The following DHRSX variants were observed in gnomAD, a reference collection of about 807,000 sequenced individuals.
DHRSX encodes dehydrogenase/reductase X-linked, also known as polyprenol dehydrogenase.
A neutral mutation model predicts 34.0 loss-of-function variants in DHRSX; 31 were observed. The ratio of observed to expected loss-of-function variants is 0.91; its 90% confidence interval spans 0.69 to 1.23. The LOEUF is 1.23. Ranked by LOEUF, DHRSX falls within the 50% of genes most tolerant of loss-of-function variation. The pLI, the probability that DHRSX is intolerant of heterozygous loss-of-function variation, is 0.00. For synonymous variants in DHRSX, 201 were observed against 183.8 expected, an observed-to-expected ratio of 1.09 and a Z score of -0.76; for missense variants, 414 against 428.1, an observed-to-expected ratio of 0.97 and a Z score of 0.29.
At chrX:2,439,819 A>T (rs1185773561) in intron 1 of DHRSX, among the ~76,000 whole-genome samples, 1 of 152,102 alleles carries the variant, frequency 6.6e-6, no homozygotes, top group Non-Finnish European at 1.5e-5. Flanking sequence ...AGAGCTCAGG[A>T]GGTAATATGA....
intron 1 of DHRSX, chrX:2,490,369 G>A (rs1366478305): frequency 6.2e-7 from 1 of 1,613,546 alleles, no homozygotes; most frequent in Admixed American, 1.7e-5. Context: ...TGCTGTCGTA[G>A]CCGTGGCCGG....
rs745465210 is a variant in DHRSX at position 2,377,742 on chromosome X, C to CT, written c.286+31002dup. On this transcript the variant is annotated intron_variant, in intron 3 of 6. Transcript: ENST00000334651. ...TCATAATTGCAGTGTGCACACAATA[C>CT]TTTTTTTTTTTTTTTGAGACAGAGT... Among the ~76,000 whole-genome samples the CT allele has an allele frequency of 5.0e-3, 724 of 144,624 alleles. 6 individuals are homozygous for CT. The highest frequency in any genetic ancestry group is 0.012 in the African/African-American group (458 of 39,724). 94.9% of individuals were successfully genotyped at this position (144,624 alleles called of 152,430 possible). A position where few individuals can be genotyped will look rare whatever the true frequency, so the allele number is the denominator to read the frequency against.
chrX:2,373,354 A>T (rs2043102407), intron 3 of DHRSX, among the ~76,000 whole-genome samples: 1 of 152,166 alleles, frequency 6.6e-6, no homozygotes, highest in African/African-American at 2.4e-5. Context: ...TTTTCAGAGG[A>T]GACCTTTCAA....
At chrX:2,294,878 G>T (rs2041914080) in intron 3 of DHRSX, among the ~76,000 whole-genome samples, 2 of 152,066 alleles carry the variant, frequency 1.3e-5, no homozygotes, top group Non-Finnish European at 2.9e-5. Flanking sequence ...AATGAAATGA[G>T]AGAAAGTGTG....
intron 3 of DHRSX, among the ~76,000 whole-genome samples, chrX:2,364,135 GGTTA>G (rs1253450562): frequency 9.2e-5 from 14 of 152,184 alleles, no homozygotes; most frequent in Non-Finnish European, 1.9e-4. Context: ...CTTAGGTCCA[GGTTA>G]CTGCCATTGA....
chrX:2,443,190 C>A (rs2044083981), intron 1 of DHRSX, among the ~76,000 whole-genome samples: 1 of 151,928 alleles, frequency 6.6e-6, no homozygotes, highest in Admixed American at 6.6e-5. Flanking sequence ...ACCACCATGT[C>A]CAGCTAATTT....
At chrX:2,257,432 C>T (rs2041294794) in intron 5 of DHRSX, among the ~76,000 whole-genome samples, 1 of 152,182 alleles carries the variant, frequency 6.6e-6, no homozygotes, top group Admixed American at 6.6e-5. Flanking sequence ...ACTGGGAATA[C>T]CTGGCTGTCC....
At chrX:2,449,306 G>A (rs1274585695) in intron 1 of DHRSX, among the ~76,000 whole-genome samples, 4 of 152,022 alleles carry the variant, frequency 2.6e-5, no homozygotes, top group South Asian at 2.1e-4. Flanking sequence ...TCGGAGGGCC[G>A]GGCCTGCTCA....
At chrX:2,306,131 G>T (rs1267995419) in intron 3 of DHRSX, among the ~76,000 whole-genome samples, 2 of 152,044 alleles carry the variant, frequency 1.3e-5, no homozygotes, top group African/African-American at 4.8e-5. Flanking sequence ...AAATTACCCA[G>T]TCTCAGGTAT....
At chrX:2,353,153 G>A (rs956127352) in intron 3 of DHRSX, among the ~76,000 whole-genome samples, 8 of 152,162 alleles carry the variant, frequency 5.3e-5, no homozygotes, top group African/African-American at 1.9e-4. Flanking sequence ...ACTGAGGTGG[G>A]AAGATTGCTT....
chrX:2,494,339 T>C (rs2045230486), intron 1 of DHRSX, among the ~76,000 whole-genome samples: 1 of 151,954 alleles, frequency 6.6e-6, no homozygotes, highest in Admixed American at 6.6e-5. Context: ...ATCATTATTA[T>C]TATTATTAGG....
At chrX:2,448,180 A>C (rs747657988) in intron 1 of DHRSX, among the ~76,000 whole-genome samples, 22 of 151,220 alleles carry the variant, frequency 1.5e-4, no homozygotes, top group African/African-American at 3.7e-4. Flanking sequence ...TACATAAAAA[A>C]TTTAAAAATT....
intron 6 of DHRSX, among the ~76,000 whole-genome samples, chrX:2,231,525 CCT>C (rs1300824802): frequency 4.7e-5 from 7 of 148,574 alleles, no homozygotes; most frequent in South Asian, 4.4e-4. Context: ...TCCCCCTTAT[CCT>C]CCTCCTATTC....
chrX:2,435,155 G>A (rs984654688), intron 1 of DHRSX, among the ~76,000 whole-genome samples: 1 of 151,976 alleles, frequency 6.6e-6, no homozygotes, highest in Non-Finnish European at 1.5e-5. Flanking sequence ...GGTTGAGGTA[G>A]GATGCAGAGA....
At chrX:2,237,874 C>T (rs1213037800) in intron 6 of DHRSX, among the ~76,000 whole-genome samples, 1 of 152,044 alleles carries the variant, frequency 6.6e-6, no homozygotes, top group Non-Finnish European at 1.5e-5. Context: ...TAGCCACGTT[C>T]ATTTGCTCCC....
chrX:2,224,320 G>C (rs1350236003), intron 6 of DHRSX, among the ~76,000 whole-genome samples: 1 of 152,126 alleles, frequency 6.6e-6, no homozygotes, highest in Non-Finnish European at 1.5e-5. Flanking sequence ...CTGGAAGGAG[G>C]CTTCCTCTTT....
rs956886290 is a variant in DHRSX, at chrX:2,247,293, A to G, written c.597-4063T>C. On this transcript the variant is annotated intron_variant, in intron 5 of 6. Transcript: ENST00000334651. ...CTCCTCTCCCTGTTATAAAATGTCC[A>G]ATATACACTATATTTTGCAGATGAA... Among the ~76,000 whole-genome samples, 86 of 152,034 alleles carry G rather than the reference A, an allele frequency of 5.7e-4. 1 individual carries two copies. The highest frequency in any genetic ancestry group is 7.6e-4 in the Non-Finnish European group (52 of 67,992).
intron 1 of DHRSX, among the ~76,000 whole-genome samples, chrX:2,475,403 A>T (rs2044663966): frequency 1.4e-5 from 2 of 140,950 alleles, no homozygotes; most frequent in East Asian, 1.9e-4. Context: ...CGACCAAGGG[A>T]CCGCCACCAT....
At chrX:2,264,615 GC>G (rs1228910988) in intron 5 of DHRSX, among the ~76,000 whole-genome samples, 7 of 146,272 alleles carry the variant, frequency 4.8e-5, no homozygotes, top group Non-Finnish European at 9.1e-5. Context: ...AGAGGACCAT[GC>G]CCAGCAGATG....
Sources: gnomAD v4.1 joint callset for allele counts (sites outside exome capture counted in the v4.1 genomes callset) on GRCh38, gnomAD v4.1.1 for gene constraint, MANE v1.5 for transcripts, NCBI Gene and HGNC (gene_info 2026-07-23, HGNC 2026-07-21) for gene names.